Variants in SQSTM1 observed in about 807,000 individuals in gnomAD.
SQSTM1 encodes the protein sequestosome 1, also known as sequestosome-1.
Under a neutral mutation model 45.1 loss-of-function variants are expected in SQSTM1, and 36 were observed. The ratio of observed to expected loss-of-function variants is 0.80; its 90% CI spans 0.61 to 1.05. SQSTM1 has a LOEUF of 1.05. Ranked by LOEUF, SQSTM1 falls within the 50% of genes least tolerant of loss-of-function variation. The pLI is 0.00. For missense variants in SQSTM1, 617 were observed against 607.1 expected, an observed-to-expected ratio of 1.02 and a Z score of -0.17; for synonymous variants, 290 against 244.3, an observed-to-expected ratio of 1.19 and a Z score of -1.74.
intron 2 of SQSTM1, chr5:179,823,579 G>C (rs1757872116): frequency 1.9e-6 from 1 of 526,790 alleles, no homozygotes; most frequent in Non-Finnish European, 3.4e-6. Context: ...GATGGGGTCT[G>C]GTGCCGTGGC....
intron 2 of SQSTM1, among the ~76,000 whole-genome samples, 199 bp downstream of exon 2, chr5:179,823,252 G>GGTCA (rs1428344193): frequency 1.3e-5 from 2 of 151,876 alleles, no homozygotes; most frequent in Non-Finnish European, 2.9e-5. Flanking sequence ...GGTCACCTGA[G>GGTCA]GTCAGGAGTT....
chr5:179,820,552 T>A (rs1339391767), upstream of SQSTM1: 1 of 187,012 alleles, frequency 5.3e-6, no homozygotes, highest in Non-Finnish European at 1.1e-5. Context: ...CTGAGGATAT[T>A]GCTGAGTCAT....
chr5:179,825,101 C>T (rs1454977135), intron 4 of SQSTM1, 45 bp from the exon 5 acceptor site: 1 of 1,587,170 alleles, frequency 6.3e-7, no homozygotes. Context: ...GACAGGTATC[C>T]AAGGCATTAA....
At chr5:179,819,520 G>A (rs970029552), upstream of SQSTM1, among the ~76,000 whole-genome samples, 2 of 152,236 alleles carry the variant, frequency 1.3e-5, no homozygotes, top group Admixed American at 6.5e-5. Flanking sequence ...CCGGGCCATA[G>A]CCGGGGGCTG....
At chr5:179,811,833 G>T (rs998416693) in intron 2 of SQSTM1, among the ~76,000 whole-genome samples, 2 of 152,050 alleles carry the variant, frequency 1.3e-5, no homozygotes, top group African/African-American at 4.8e-5. Flanking sequence ...GGCGAACGGC[G>T]GTTCTCTGTC....
chr5:179,823,706 G>C (rs1294369619), intron 2 of SQSTM1, 152 bp from the exon 3 acceptor site: 1 of 787,468 alleles, frequency 1.3e-6, no homozygotes, highest in Non-Finnish European at 2.0e-6. Flanking sequence ...TGGTGGCTCT[G>C]CTGCCCTCAC....
upstream of SQSTM1, among the ~76,000 whole-genome samples, chr5:179,818,146 A>G (rs1204331492): frequency 1.3e-5 from 2 of 151,796 alleles, no homozygotes; most frequent in African/African-American, 4.8e-5. Flanking sequence ...AGGAGTGGAA[A>G]GGGTTTTGGA....
Position 179,806,453 on chromosome 5 carries a change from C to A in SQSTM1, c.-295C>A. On this transcript the variant is annotated 5_prime_UTR_variant, in exon 1 of 6. Coordinates refer to the SQSTM1 transcript ENST00000514093. The surrounding 1 kb of genome is among the most constrained non-coding windows in gnomAD (Gnocchi z 4.6). ...CGCTCCCGCCGCCGACGCCCAGGTG[C>A]GCCAGGTGCGGGCCGGGCGGGGGTC... is the stretch of plus-strand genomic sequence containing the variant. 1.7e-6 allele frequency: 2 copies of A among 1,211,868 alleles called. No individual in the cohort carries two copies. Among genetic ancestry groups the A allele is most frequent in the Non-Finnish European group, 2.1e-6 (2 of 949,516 alleles). The allele number at this position is 1,211,868 out of a possible 1,614,324, so 75.1% of individuals were successfully genotyped here.
At chr5:179,816,536 ACT>A (rs778750209), upstream of SQSTM1, among the ~76,000 whole-genome samples, 290 of 152,014 alleles carry the variant, frequency 1.9e-3, no homozygotes, top group Non-Finnish European at 2.4e-3. Context: ...GGGATCCCAC[ACT>A]CCTGACCCGT....
At chr5:179,820,677 C>T, upstream of SQSTM1, 1 of 419,958 alleles carries the variant, frequency 2.4e-6, no homozygotes. Flanking sequence ...TTCCTGGGGT[C>T]CTTGGTGCAC....
chr5:179,824,461 A>T, intron 4 of SQSTM1, 138 bp downstream of exon 4: 1 of 1,309,432 alleles, frequency 7.6e-7, no homozygotes, highest in South Asian at 1.2e-5. Flanking sequence ...CAATCACACA[A>T]GAACCCTGCA....
upstream of SQSTM1, chr5:179,818,748 C>T (rs1230321412): frequency 6.6e-6 from 1 of 152,614 alleles, no homozygotes; most frequent in Non-Finnish European, 1.5e-5. Context: ...GGAGGGCAGC[C>T]CAAATCCTTC....
At chr5:179,833,531 T>C in intron 6 of SQSTM1, 56 bp from the exon 7 acceptor site, 1 of 1,587,746 alleles carries the variant, frequency 6.3e-7, no homozygotes. Flanking sequence ...AGGGCCATGG[T>C]CAGGCTTGGC....
Position 179,836,829 on chromosome 5 carries a change from C to G in SQSTM1, c.*236C>G, listed in dbSNP as rs937920044. On this transcript the variant is annotated 3_prime_UTR_variant, in exon 8 of 8. Coordinates refer to ENST00000389805, the MANE Select transcript of SQSTM1 (RefSeq NM_003900.5). ...GCTCCTTGCAGCAGGGCTGGGCCTGCGAGACCCAAGGCTCACTGCAGCGCG... is the reference window on the plus strand; with the variant it reads ...GCTCCTTGCAGCAGGGCTGGGCCTGGGAGACCCAAGGCTCACTGCAGCGCG... 30 of 682,976 alleles carry G rather than the reference C, an allele frequency of 4.4e-5. No homozygotes were observed. Among genetic ancestry groups the G allele is most frequent in the Non-Finnish European group, 6.6e-5 (26 of 394,410 alleles). 42.3% of individuals were successfully genotyped at this position (682,976 alleles called of 1,614,324 possible).
At chr5:179,834,838 A>C (rs1384368828) in intron 7 of SQSTM1, among the ~76,000 whole-genome samples, 1 of 152,326 alleles carries the variant, frequency 6.6e-6, no homozygotes, top group South Asian at 2.1e-4. Context: ...CCGATTTCTC[A>C]ATCTTTTCCC....
chr5:179,831,629 G>A (rs7379612), intron 5 of SQSTM1, among the ~76,000 whole-genome samples: 33 of 152,130 alleles, frequency 2.2e-4, no homozygotes, highest in African/African-American at 5.3e-4. Flanking sequence ...GCGGCACTGC[G>A]CTCCAGCCTG....
intron 5 of SQSTM1, 149 bp from the exon 6 acceptor site, chr5:179,832,883 G>C: frequency 1.3e-6 from 1 of 788,692 alleles, no homozygotes; most frequent in Non-Finnish European, 2.1e-6. Context: ...GCATCCACAC[G>C]CTGAGTGCCA....
rs1165424670 is a variant in SQSTM1 at position 179,836,854 on chromosome 5, G to A, written c.*261G>A. ...CGAGACCCAAGGCTCACTGCAGCGCGCTCCTGACCCCTCCCTGCAGGGGCT... is the reference window on the plus strand; with the variant it reads ...CGAGACCCAAGGCTCACTGCAGCGCACTCCTGACCCCTCCCTGCAGGGGCT... On this transcript the variant is annotated 3_prime_UTR_variant, in exon 8 of 8. Coordinates refer to ENST00000389805, the MANE Select transcript of SQSTM1 (RefSeq NM_003900.5). 1.4e-5 allele frequency: 9 copies of A among 627,524 alleles called. No individual in the cohort carries two copies. The highest frequency in any genetic ancestry group is 5.4e-5 in the East Asian group (2 of 36,740). 38.9% of individuals were successfully genotyped at this position (627,524 alleles called of 1,614,324 possible).
chr5:179,833,134 C>T lies in SQSTM1; in HGVS notation c.857C>T (p.Pro286Leu), dbSNP rs754060027. The T allele has an allele frequency of 1.2e-6, 2 of 1,614,210 alleles. No individual in the cohort carries two copies. Among genetic ancestry groups the T allele is most frequent in the Admixed American group, 1.7e-5 (1 of 60,024 alleles). The change falls in exon 6 of 8, where the codon CCA becomes CTA. Residue 286 changes from proline to leucine, a missense_variant. Coordinates refer to ENST00000389805, the MANE Select transcript of SQSTM1 (RefSeq NM_003900.5). ...ACAGAGGAGAAGAGCAGCTCACAGC[C>T]AAGCAGCTGCTGCTCTGACCCCAGC... ...SSTEEKSSSQ[P>L]SSCCSDPSKP...
Sources: allele counts gnomAD v4.1 joint callset (sites outside exome capture counted in the v4.1 genomes callset), GRCh38; gene constraint gnomAD v4.1.1; non-coding constraint Gnocchi (gnomAD v3.1); transcripts MANE v1.5; gene names NCBI Gene and HGNC (gene_info 2026-07-23, HGNC 2026-07-21).